TSG101: variants seen among roughly 807,000 people sequenced by gnomAD.
TSG101 encodes tumor susceptibility gene 101 protein.
In TSG101, 19 loss-of-function variants were observed where a neutral mutation model predicts 48.5. That is an observed-to-expected ratio of 0.39 (90% confidence interval 0.27 to 0.58). The LOEUF is 0.58. Among genes scored for constraint, TSG101 ranks in the 20% least tolerant of loss-of-function variants. The pLI, the probability that TSG101 is intolerant of heterozygous loss-of-function variation, is 0.55. For missense variants in TSG101, 365 were observed against 484.4 expected (o/e 0.75, Z 2.31); for synonymous variants, 174 against 169.4 (o/e 1.03, Z -0.21).
intron 7 of TSG101, among the ~76,000 whole-genome samples, chr11:18,491,425 G>A (rs964975568): frequency 6.6e-6 from 1 of 152,166 alleles, no homozygotes; most frequent in African/African-American, 2.4e-5. Flanking sequence ...TAGACCCAAG[G>A]CTCAGGTGAG....
At chr11:18,493,491 T>A (rs1359517757) in intron 7 of TSG101, among the ~76,000 whole-genome samples, 1 of 152,150 alleles carries the variant, frequency 6.6e-6, no homozygotes, top group African/African-American at 2.4e-5. Context: ...AAGTAAACTA[T>A]AACTCAACGA....
At chr11:18,510,010 T>C (rs771123315) in intron 4 of TSG101, among the ~76,000 whole-genome samples, 2 of 152,178 alleles carry the variant, frequency 1.3e-5, no homozygotes, top group African/African-American at 2.4e-5. Flanking sequence ...AATTTAGGGA[T>C]GAATATGAGC....
chr11:18,485,690 T>G (rs1849610100), intron 7 of TSG101, among the ~76,000 whole-genome samples: 1 of 152,206 alleles, frequency 6.6e-6, no homozygotes, highest in Non-Finnish European at 1.5e-5. Context: ...TATCTCTACC[T>G]GAAAATCAGA....
chr11:18,507,034 A>G (rs1849986192), intron 5 of TSG101, 111 bp from the exon 6 acceptor site: 3 of 700,072 alleles, frequency 4.3e-6, no homozygotes, highest in East Asian at 5.8e-5. Flanking sequence ...TTCACAGTTA[A>G]AAAATCCAAA....
intron 1 of TSG101, among the ~76,000 whole-genome samples, chr11:18,525,263 G>A (rs1294370615): frequency 6.6e-6 from 1 of 152,090 alleles, no homozygotes; most frequent in East Asian, 1.9e-4. Context: ...AAATGTCATG[G>A]AGGCCAGGTG....
At chr11:18,482,723 C>A (rs938491061) in intron 8 of TSG101, among the ~76,000 whole-genome samples, 2 of 152,184 alleles carry the variant, frequency 1.3e-5, no homozygotes, top group African/African-American at 4.8e-5. Context: ...AACCAAGTAT[C>A]TCTGGATTAT....
chr11:18,526,751 G>C, intron 1 of TSG101, 24 bp downstream of exon 1: 1 of 1,598,602 alleles, frequency 6.3e-7, no homozygotes, highest in Non-Finnish European at 8.5e-7. Context: ...CGCGCCCTGG[G>C]AGGCGAGCGC....
At position 18,480,427 on chromosome 11, in the gene TSG101, G is replaced by T; in HGVS notation, c.*119C>A. 2.7e-6 allele frequency: 2 copies of T among 727,732 alleles called. No homozygotes were observed. Among genetic ancestry groups the T allele is most frequent in the Non-Finnish European group, 4.4e-6 (2 of 458,252 alleles). 45.1% of individuals were successfully genotyped at this position (727,732 alleles called of 1,614,324 possible). ...AAAAGAAAACAGAAAATATATTATT[G>T]ATTCAAAATATTTTACACTTGAATG... On this transcript the variant is annotated 3_prime_UTR_variant, in exon 10 of 10. Coordinates refer to ENST00000251968, the MANE Select transcript of TSG101 (RefSeq NM_006292.4).
intron 1 of TSG101, among the ~76,000 whole-genome samples, chr11:18,522,192 CTTAAA>C (rs1850289426): frequency 1.3e-5 from 2 of 152,124 alleles, no homozygotes; most frequent in African/African-American, 4.8e-5. Flanking sequence ...TGTTGAAACC[CTTAAA>C]TTAAAATTTT....
chr11:18,512,943 G>A (rs1344050263), intron 4 of TSG101, among the ~76,000 whole-genome samples: 4 of 151,678 alleles, frequency 2.6e-5, no homozygotes, highest in East Asian at 1.9e-4. Context: ...GGCCAGGCTC[G>A]TCTCAAACTT....
At position 18,514,912 on chromosome 11, in the gene TSG101, A is replaced by C. The variant is rs1590286534; in HGVS notation, c.194-71T>G. Reference sequence around the variant, plus strand: ...TAAATTGAAGAATGGTTAAAGGAACAGAGGTTTAGTCTAGATACAATTTAT... The same window carrying C: ...TAAATTGAAGAATGGTTAAAGGAACCGAGGTTTAGTCTAGATACAATTTAT... On this transcript the variant is annotated intron_variant, in intron 3 of 9. Transcript: ENST00000251968. 3 of 1,380,036 alleles carry C rather than the reference A, an allele frequency of 2.2e-6. No individual in the cohort carries two copies. In the East Asian group the frequency reaches 7.8e-5, roughly 36 times the overall value. 85.5% of individuals were successfully genotyped at this position (1,380,036 alleles called of 1,614,324 possible).
intron 2 of TSG101, among the ~76,000 whole-genome samples, chr11:18,517,744 C>T (rs1850203739): frequency 1.3e-5 from 2 of 152,304 alleles, no homozygotes; most frequent in Middle Eastern, 3.4e-3. Flanking sequence ...TGTCTAAGTA[C>T]ACTCAATGAT....
intron 1 of TSG101, among the ~76,000 whole-genome samples, chr11:18,522,975 A>T (rs577084514): frequency 6.6e-6 from 1 of 151,842 alleles, no homozygotes; most frequent in African/African-American, 2.4e-5. Flanking sequence ...CTGCAACCTC[A>T]AACTCCTGGG....
chr11:18,486,026 T>C (rs544271656), intron 7 of TSG101, among the ~76,000 whole-genome samples: 56 of 152,346 alleles, frequency 3.7e-4, no homozygotes, highest in African/African-American at 1.2e-3. Context: ...TTTCCAATAC[T>C]ACCTATGGCC....
chr11:18,526,844 G>A lies in TSG101; in HGVS notation c.-28C>T, dbSNP rs1374188727. 1.4e-5 allele frequency: 22 copies of A among 1,595,476 alleles called. No homozygotes were observed. Among genetic ancestry groups the A allele is most frequent in the Non-Finnish European group, 1.9e-5 (22 of 1,177,000 alleles). On this transcript the variant is annotated 5_prime_UTR_variant, in exon 1 of 10. Coordinates refer to ENST00000251968, the MANE Select transcript of TSG101 (RefSeq NM_006292.4). ...CGGCCGCCTGGCGACTCCCTTCCCCGCAGGCAGAGGGTCAGCCGCTGCTGG... is the reference window on the plus strand; with the variant it reads ...CGGCCGCCTGGCGACTCCCTTCCCCACAGGCAGAGGGTCAGCCGCTGCTGG...
At chr11:18,513,498 C>T (rs1850121535) in intron 4 of TSG101, among the ~76,000 whole-genome samples, 1 of 152,014 alleles carries the variant, frequency 6.6e-6, no homozygotes, top group Non-Finnish European at 1.5e-5. Flanking sequence ...GGGGTTCTCA[C>T]TATGTTGCCC....
At chr11:18,499,426 C>T (rs1321301402) in intron 7 of TSG101, among the ~76,000 whole-genome samples, 15 of 3,592 alleles carry the variant, frequency 4.2e-3, no homozygotes, top group East Asian at 0.02. Context: ...TTTTTTTTTT[C>T]CTGAGATGGA....
intron 9 of TSG101, chr11:18,481,345 G>A (rs968374560): frequency 7.5e-5 from 84 of 1,126,650 alleles, no homozygotes; most frequent in South Asian, 4.4e-4. Flanking sequence ...AAATCTGATC[G>A]TACCTCCTGA....
At chr11:18,496,188 G>A (rs181168498) in intron 7 of TSG101, among the ~76,000 whole-genome samples, 57 of 152,220 alleles carry the variant, frequency 3.7e-4, no homozygotes, top group Admixed American at 3.3e-3. Flanking sequence ...TCCAGGCTGG[G>A]TGAGGTGGCT....
Sources: gnomAD v4.1 joint callset for allele counts (sites outside exome capture counted in the v4.1 genomes callset) on GRCh38, gnomAD v4.1.1 for gene constraint, MANE v1.5 for transcripts, NCBI Gene and HGNC (gene_info 2026-07-23, HGNC 2026-07-21) for gene names.